Variants in ZMYM2 observed in about 807,000 individuals in gnomAD.
ZMYM2 encodes zinc finger MYM-type containing 2.
A neutral mutation model predicts 162.8 loss-of-function variants in ZMYM2; 56 were observed. The observed-to-expected ratio is 0.34, with a 90% confidence interval of 0.28 to 0.43. The LOEUF (loss-of-function observed/expected upper bound fraction) is 0.43. Among genes scored for constraint, ZMYM2 ranks in the 20% least tolerant of loss-of-function variants. The pLI is 1.00. For synonymous variants in ZMYM2, 510 were observed against 541.6 expected, an observed-to-expected ratio of 0.94 and a Z score of 0.81; for missense variants, 1,275 against 1,621.8, an observed-to-expected ratio of 0.79 and a Z score of 3.67.
At chr13:20,081,463 A>G (rs1249096830) in intron 21 of ZMYM2, among the ~76,000 whole-genome samples, 1 of 152,186 alleles carries the variant, frequency 6.6e-6, no homozygotes, top group African/African-American at 2.4e-5. Context: ...AGATTCATAA[A>G]TTTGCACTGT....
At chr13:20,043,203 C>T (rs1456664370) in intron 12 of ZMYM2, among the ~76,000 whole-genome samples, 4 of 152,158 alleles carry the variant, frequency 2.6e-5, no homozygotes, top group Admixed American at 2.6e-4. Context: ...GATTCTGTCT[C>T]CTGGAGCGCA....
chr13:19,908,937 T>G, the ZMYM2 span, among the ~76,000 whole-genome samples: 3 of 152,282 alleles, frequency 2.0e-5, no homozygotes, highest in Admixed American at 2.0e-4. Flanking sequence ...GGAAGGGGAT[T>G]CTCAAGGATT....
At chr13:19,998,636 A>G (rs925810497) in intron 3 of ZMYM2, among the ~76,000 whole-genome samples, 9 of 152,220 alleles carry the variant, frequency 5.9e-5, no homozygotes, top group Non-Finnish European at 1.3e-4. Flanking sequence ...GTTAAATAAC[A>G]GAATTCCAGA....
the ZMYM2 span, among the ~76,000 whole-genome samples, chr13:19,948,416 C>T: frequency 0.047 from 7,075 of 152,070 alleles, 187 homozygotes; most frequent in South Asian, 0.092. Flanking sequence ...TATTATTCAG[C>T]GCTTAAAAAG....
intron 3 of ZMYM2, among the ~76,000 whole-genome samples, chr13:19,995,045 G>A (rs1475939179): frequency 1.3e-5 from 2 of 150,620 alleles, no homozygotes; most frequent in African/African-American, 2.4e-5. Context: ...GAGTCTTACT[G>A]TGTTGCCCAG....
intron 3 of ZMYM2, among the ~76,000 whole-genome samples, chr13:20,001,577 T>C (rs1394706112): frequency 6.6e-6 from 1 of 152,072 alleles, no homozygotes; most frequent in African/African-American, 2.4e-5. Flanking sequence ...GGATTTAGAG[T>C]ATTACGTAAA....
At chr13:19,910,536 T>G in the ZMYM2 span, among the ~76,000 whole-genome samples, 1 of 150,222 alleles carries the variant, frequency 6.7e-6, no homozygotes, top group Non-Finnish European at 1.5e-5. Context: ...CTCTCTCTCT[T>G]TTTTTTTTTT....
intron 14 of ZMYM2, 117 bp from the exon 15 acceptor site, chr13:20,058,458 G>A (rs1955978571): frequency 1.6e-6 from 2 of 1,230,130 alleles, no homozygotes; most frequent in Non-Finnish European, 1.1e-6. Flanking sequence ...GCATAATTTG[G>A]TTATCCTCTT....
At position 19,979,896 on chromosome 13, in the gene ZMYM2, A is replaced by G. The variant is rs190686651; in HGVS notation, c.-10-13167A>G. Among the ~76,000 whole-genome samples the G allele has an allele frequency of 3.9e-5, 6 of 151,922 alleles. 1 individual carries two copies. Among genetic ancestry groups the G allele is most frequent in the Admixed American group, 3.3e-4 (5 of 15,270 alleles). ...TAGTTGGTTTCAATCATTTTTTCCC[A>G]CTCAATGGTTGCTTGGGTGGAAGTA... On this transcript the variant is annotated intron_variant, in intron 2 of 24. Transcript: ENST00000610343.
At chr13:20,004,349 G>A (rs1011067664) in intron 4 of ZMYM2, among the ~76,000 whole-genome samples, 2 of 152,056 alleles carry the variant, frequency 1.3e-5, no homozygotes, top group Non-Finnish European at 2.9e-5. Flanking sequence ...TCCGTCTCCT[G>A]GGTTCATGCC....
intron 2 of ZMYM2, among the ~76,000 whole-genome samples, chr13:19,980,223 C>T (rs1336107812): frequency 6.6e-6 from 1 of 151,876 alleles, no homozygotes; most frequent in East Asian, 1.9e-4. Context: ...CGGTGTGAGA[C>T]AAGAATTCAA....
chr13:19,924,960 C>T, the ZMYM2 span, among the ~76,000 whole-genome samples: 1 of 151,064 alleles, frequency 6.6e-6, no homozygotes, highest in Non-Finnish European at 1.5e-5. Flanking sequence ...TCTTGGCTCA[C>T]TGCAACCTCG....
chr13:20,071,446 G>T (rs1272257891), intron 21 of ZMYM2, among the ~76,000 whole-genome samples: 1 of 152,248 alleles, frequency 6.6e-6, no homozygotes, highest in East Asian at 1.9e-4. Flanking sequence ...TGGCTCTAGG[G>T]CTGAGTTACA....
intron 6 of ZMYM2, among the ~76,000 whole-genome samples, chr13:20,017,496 C>CTGTA (rs1018458419): frequency 6.6e-6 from 1 of 152,124 alleles, no homozygotes; most frequent in Non-Finnish European, 1.5e-5. Flanking sequence ...AACCTTCTAT[C>CTGTA]TGTAGATTTA....
the ZMYM2 span, among the ~76,000 whole-genome samples, chr13:19,932,601 A>G: frequency 6.6e-6 from 1 of 152,076 alleles, no homozygotes; most frequent in African/African-American, 2.4e-5. Flanking sequence ...AGTCAAGATC[A>G]TAGCATTGCA....
At chr13:19,924,217 C>G in the ZMYM2 span, among the ~76,000 whole-genome samples, 2 of 152,162 alleles carry the variant, frequency 1.3e-5, no homozygotes, top group Admixed American at 1.3e-4. Flanking sequence ...ACTCCACTTT[C>G]TCTTTCTATG....
the ZMYM2 span, among the ~76,000 whole-genome samples, chr13:19,900,649 A>G: frequency 6.6e-6 from 1 of 152,212 alleles, no homozygotes; most frequent in East Asian, 1.9e-4. Flanking sequence ...ACTATAGCTC[A>G]ATATGCCTGA....
the ZMYM2 span, among the ~76,000 whole-genome samples, chr13:19,865,920 A>G: frequency 6.6e-6 from 1 of 152,262 alleles, no homozygotes; most frequent in African/African-American, 2.4e-5. Flanking sequence ...AAGTCTACAC[A>G]AAGGGGCCAG....
intron 3 of ZMYM2, among the ~76,000 whole-genome samples, chr13:19,998,182 A>G (rs1337413589): frequency 6.6e-6 from 1 of 152,220 alleles, no homozygotes; most frequent in Non-Finnish European, 1.5e-5. Context: ...TTCTTGGACT[A>G]ATTGTTAATT....
Sources: allele counts gnomAD v4.1 joint callset (sites outside exome capture counted in the v4.1 genomes callset), GRCh38; gene constraint gnomAD v4.1.1; transcripts MANE v1.5; gene names NCBI Gene and HGNC (gene_info 2026-07-23, HGNC 2026-07-21).